Variants in STPG2 observed in about 807,000 individuals in gnomAD.
STPG2 encodes the protein sperm-tail PG-rich repeat-containing protein 2.
STPG2 carries 56 observed loss-of-function variants against 54.2 expected under a neutral mutation model. That is an observed-to-expected ratio of 1.03 (90% CI 0.83 to 1.29). STPG2 has a LOEUF of 1.29. Ranked by LOEUF, STPG2 falls within the 50% of genes most tolerant of loss-of-function variation. The pLI is 0.00. For missense variants in STPG2, 596 were observed against 544.9 expected (o/e 1.09, Z -0.93); for synonymous variants, 200 against 181.8 (o/e 1.10, Z -0.81).
chr4:97,667,048 A>G (rs1221965953), intron 10 of STPG2, among the ~76,000 whole-genome samples: 2 of 152,130 alleles, frequency 1.3e-5, no homozygotes, highest in African/African-American at 4.8e-5. Context: ...TATGTTTCTA[A>G]AGCAGTCAGT....
chr4:98,037,366 T>C (rs936919842), intron 5 of STPG2, among the ~76,000 whole-genome samples: 1 of 152,058 alleles, frequency 6.6e-6, no homozygotes, highest in African/African-American at 2.4e-5. Context: ...GGGAGACAAG[T>C]CTTATAAACA....
intron 8 of STPG2, among the ~76,000 whole-genome samples, chr4:97,899,092 G>A (rs1298853804): frequency 6.6e-6 from 1 of 151,576 alleles, no homozygotes; most frequent in Non-Finnish European, 1.5e-5. Flanking sequence ...CAGCCCAAAA[G>A]CTCCTTCAGC....
chr4:97,724,812 T>C (rs909825864), intron 9 of STPG2, among the ~76,000 whole-genome samples: 4 of 152,208 alleles, frequency 2.6e-5, no homozygotes, highest in African/African-American at 9.6e-5. Context: ...CTTAGTATTA[T>C]AGCCTTTATC....
intron 9 of STPG2, among the ~76,000 whole-genome samples, chr4:97,782,472 A>G (rs1726674730): frequency 6.6e-6 from 1 of 152,242 alleles, no homozygotes; most frequent in South Asian, 2.1e-4. Flanking sequence ...ATGGATAGGA[A>G]GAATCAATAT....
intron 8 of STPG2, among the ~76,000 whole-genome samples, chr4:97,930,127 G>A (rs1732486398): frequency 6.6e-6 from 1 of 152,124 alleles, no homozygotes; most frequent in Non-Finnish European, 1.5e-5. Context: ...TCAATCTCCT[G>A]ACCTCGTAAT....
chr4:97,857,981 T>C (rs978178806), intron 8 of STPG2, among the ~76,000 whole-genome samples: 9 of 151,892 alleles, frequency 5.9e-5, no homozygotes, highest in African/African-American at 2.2e-4. Context: ...AAAAGCTACG[T>C]GAAAATATGC....
chr4:97,897,436 T>C (rs908205291), intron 8 of STPG2, among the ~76,000 whole-genome samples: 13 of 152,186 alleles, frequency 8.5e-5, no homozygotes, highest in African/African-American at 3.1e-4. Flanking sequence ...ATGGGATCGC[T>C]GAGTTGAATG....
chr4:97,862,399 T>C lies in STPG2; in HGVS notation c.1045-21467A>G, dbSNP rs1405017409. ...TCAATTCAACAAGAAGAACTAACTA[T>C]CTTAAATATATATGCACCCAATACA... On this transcript the variant is annotated intron_variant, in intron 8 of 10. Transcript: ENST00000295268. 2.6e-5 allele frequency among the ~76,000 whole-genome samples: 4 copies of C among 152,024 alleles called. 1 individual carries two copies. Among genetic ancestry groups the C allele is most frequent in the Middle Eastern group, 6.3e-3 (2 of 316 alleles).
At chr4:97,854,638 G>A (rs1335456861) in intron 8 of STPG2, among the ~76,000 whole-genome samples, 6 of 151,922 alleles carry the variant, frequency 3.9e-5, no homozygotes, top group Non-Finnish European at 8.8e-5. Flanking sequence ...AAAATGGCAG[G>A]TATCAAGGTA....
intron 10 of STPG2, among the ~76,000 whole-genome samples, chr4:97,619,524 G>GTTTTT (rs5860507): frequency 7.0e-6 from 1 of 142,412 alleles, no homozygotes. Flanking sequence ...TGATTCCAGT[G>GTTTTT]TTTTTTTTTT....
At chr4:97,680,984 A>T (rs1723014739) in intron 10 of STPG2, among the ~76,000 whole-genome samples, 1 of 152,018 alleles carries the variant, frequency 6.6e-6, no homozygotes, top group Non-Finnish European at 1.5e-5. Flanking sequence ...TTGAAAATTT[A>T]TAAAAATCTA....
chr4:97,632,668 C>T (rs963116783), intron 10 of STPG2, among the ~76,000 whole-genome samples: 5 of 152,014 alleles, frequency 3.3e-5, no homozygotes, highest in Non-Finnish European at 7.4e-5. Context: ...ACAAAAAATA[C>T]TGTACCAGCC....
intron 8 of STPG2, among the ~76,000 whole-genome samples, chr4:97,875,639 C>A (rs948273142): frequency 6.6e-6 from 1 of 151,870 alleles, no homozygotes; most frequent in African/African-American, 2.4e-5. Context: ...GTGATTAGAA[C>A]ATAGCAAGGT....
At chr4:97,491,591 G>T (rs2148827394) in intron 4 of STPG2, among the ~76,000 whole-genome samples, 1 of 151,604 alleles carries the variant, frequency 6.6e-6, no homozygotes, top group East Asian at 2.0e-4. Context: ...TAGTTTATAT[G>T]AAGAAGGGAT....
At chr4:97,868,329 A>C (rs934985700) in intron 8 of STPG2, among the ~76,000 whole-genome samples, 3 of 151,822 alleles carry the variant, frequency 2.0e-5, no homozygotes, top group Non-Finnish European at 4.4e-5. Context: ...TCTTTGGCGG[A>C]GGTTCATCTG....
intron 9 of STPG2, among the ~76,000 whole-genome samples, chr4:97,836,241 T>C (rs778232974): frequency 6.6e-6 from 1 of 151,924 alleles, no homozygotes; most frequent in Non-Finnish European, 1.5e-5. Flanking sequence ...TGTCTTATTT[T>C]AAGAAATTTC....
chr4:97,991,001 G>A (rs1475698343), intron 5 of STPG2, among the ~76,000 whole-genome samples: 1 of 151,956 alleles, frequency 6.6e-6, no homozygotes, highest in Non-Finnish European at 1.5e-5. Context: ...CTGAGATTTT[G>A]GAGCACCCAT....
At chr4:97,898,087 G>A (rs79552321) in intron 8 of STPG2, among the ~76,000 whole-genome samples, 2,485 of 151,904 alleles carry the variant, frequency 0.016, 66 homozygotes, top group African/African-American at 0.057. Context: ...TGATTATGGC[G>A]TAAGGAAGAA....
intron 7 of STPG2, among the ~76,000 whole-genome samples, chr4:97,962,660 T>C (rs1733933004): frequency 6.6e-6 from 1 of 152,234 alleles, no homozygotes; most frequent in African/African-American, 2.4e-5. Context: ...CCAGAAGATA[T>C]TCAAAGTGTT....
Sources: allele counts gnomAD v4.1 joint callset (sites outside exome capture counted in the v4.1 genomes callset), GRCh38; gene constraint gnomAD v4.1.1; transcripts MANE v1.5; gene names NCBI Gene and HGNC (gene_info 2026-07-23, HGNC 2026-07-21).